Variants in FBXL17 observed in about 807,000 individuals in gnomAD.
FBXL17 encodes F-box and leucine rich repeat protein 17, also known as F-box/LRR-repeat protein 17.
In FBXL17, 22 loss-of-function variants were observed where a neutral mutation model predicts 66.2. That is an observed-to-expected ratio of 0.33 (90% confidence interval 0.24 to 0.47). The LOEUF is 0.47. Among genes scored for constraint, FBXL17 ranks in the 20% least tolerant of loss-of-function variants. FBXL17 has a pLI of 1.00. For missense variants in FBXL17, 878 were observed against 948.2 expected (o/e 0.93, Z 0.97); for synonymous variants, 474 against 400.5 (o/e 1.18, Z -2.19).
rs765756998 is a variant in FBXL17, at chr5:108,348,457, A to G, written c.1448T>C (p.Ile483Thr). The change falls in exon 4 of 9, where the codon ATC (isoleucine) becomes ACC (threonine). Residue 483 changes from isoleucine (I) to threonine (T), a missense_variant. Around this residue, in one of 4 missense-constraint regions of FBXL17, gnomAD observed 236 missense variants for 389.1 expected, o/e 0.61. Coordinates refer to ENST00000542267, the MANE Select transcript of FBXL17 (RefSeq NM_001163315.3). ...QCYKISDEGM[I>T]VIAKGCLKLQ... is the part of the protein sequence containing the mutation. Reference sequence around the variant, plus strand: ...TTTCAGACAGCCCTTAGCTATGACGATCATGCCTTCATCTGAGATCTTGTA... The same window carrying G: ...TTTCAGACAGCCCTTAGCTATGACGGTCATGCCTTCATCTGAGATCTTGTA... 2.5e-6 allele frequency: 4 copies of G among 1,613,606 alleles called. No individual in the cohort carries two copies. In the African/African-American group the frequency reaches 5.3e-5, roughly 22 times the overall value.
chr5:108,250,206 C>T (rs1349248808), intron 4 of FBXL17, among the ~76,000 whole-genome samples: 2 of 152,024 alleles, frequency 1.3e-5, no homozygotes, highest in Admixed American at 6.6e-5. Flanking sequence ...ACACTAAAAA[C>T]GTAATTTTTC....
chr5:108,205,810 A>T (rs747657748), intron 5 of FBXL17, among the ~76,000 whole-genome samples: 6 of 152,066 alleles, frequency 3.9e-5, no homozygotes, highest in Non-Finnish European at 7.4e-5. Flanking sequence ...GCTCACTGCA[A>T]CTTCTGCCTC....
chr5:108,083,262 TAGAC>T (rs1390671425), intron 6 of FBXL17, among the ~76,000 whole-genome samples: 33 of 112,374 alleles, frequency 2.9e-4, no homozygotes, highest in Admixed American at 2.5e-3. Flanking sequence ...GAGAGAGAGA[TAGAC>T]AGATATATTA....
chr5:108,114,553 A>G (rs114734037), intron 6 of FBXL17, among the ~76,000 whole-genome samples: 1,674 of 152,292 alleles, frequency 0.011, 40 homozygotes, highest in African/African-American at 0.037. Flanking sequence ...ATGGTGTAGG[A>G]TACTAAGTGA....
intron 6 of FBXL17, among the ~76,000 whole-genome samples, chr5:108,046,078 G>T (rs1453902429): frequency 6.6e-6 from 1 of 152,142 alleles, no homozygotes; most frequent in Non-Finnish European, 1.5e-5. Context: ...TACAACTGTA[G>T]ATTTATCTTT....
intron 4 of FBXL17, among the ~76,000 whole-genome samples, chr5:108,230,727 T>TA (rs111266057): frequency 0.011 from 952 of 83,654 alleles, 8 homozygotes; most frequent in Non-Finnish European, 0.014. Flanking sequence ...GGAAATAAAT[T>TA]TAAAAAAAAA....
chr5:108,158,494 CGTGTGTGTGTGTGTCTGTGTGT>C (rs982860472), intron 6 of FBXL17, among the ~76,000 whole-genome samples: 11 of 118,590 alleles, frequency 9.3e-5, no homozygotes, highest in Non-Finnish European at 1.2e-4. Flanking sequence ...GACAGTGGGG[CGTGTGTGTGTGTGTCTGTGTGT>C]GTGTGTGTGT....
intron 6 of FBXL17, among the ~76,000 whole-genome samples, chr5:108,101,802 C>T (rs898318878): frequency 9.2e-5 from 14 of 152,116 alleles, no homozygotes; most frequent in African/African-American, 3.4e-4. Flanking sequence ...TTTTAACTAA[C>T]AAAAATGTTT....
chr5:108,369,782 C>G (rs1748908826), intron 1 of FBXL17, among the ~76,000 whole-genome samples: 1 of 151,680 alleles, frequency 6.6e-6, no homozygotes, highest in Non-Finnish European at 1.5e-5. Context: ...CAGAATTGAA[C>G]CAATTCTAAG....
intron 7 of FBXL17, among the ~76,000 whole-genome samples, chr5:107,955,550 G>A (rs936746529): frequency 6.6e-6 from 1 of 152,164 alleles, no homozygotes; most frequent in African/African-American, 2.4e-5. Context: ...TATTGATAAG[G>A]TCGCAATCGA....
intron 5 of FBXL17, among the ~76,000 whole-genome samples, chr5:108,195,613 T>C (rs1368326079): frequency 1.3e-5 from 2 of 152,170 alleles, no homozygotes; most frequent in Non-Finnish European, 2.9e-5. Flanking sequence ...TGTTCTAATT[T>C]AGTTTTGAAA....
At chr5:107,960,926 G>C (rs1751877171) in intron 7 of FBXL17, among the ~76,000 whole-genome samples, 1 of 152,172 alleles carries the variant, frequency 6.6e-6, no homozygotes, top group African/African-American at 2.4e-5. Context: ...ATTTTCAGTA[G>C]AGTGTGACTC....
intron 7 of FBXL17, among the ~76,000 whole-genome samples, chr5:107,990,020 A>G (rs1753176803): frequency 6.6e-6 from 1 of 152,166 alleles, no homozygotes; most frequent in Admixed American, 6.5e-5. Context: ...AGGAGTGCAG[A>G]TCTGAAACTG....
rs547206257 is a variant in FBXL17 at position 108,149,488 on chromosome 5, T to C, written c.1745+36629A>G. 5.9e-5 allele frequency among the ~76,000 whole-genome samples: 9 copies of C among 152,328 alleles called. No homozygotes were observed. In the East Asian group the frequency reaches 1.4e-3, roughly 23 times the overall value. ...ACATTTAAGCTTCCTCAGTCTCACT[T>C]TGAAGTGTGTTACACATGTGTTAAG... On this transcript the variant is annotated intron_variant, in intron 6 of 8. Transcript: ENST00000542267.
chr5:107,934,749 G>A (rs1750844266), intron 7 of FBXL17, among the ~76,000 whole-genome samples: 1 of 152,152 alleles, frequency 6.6e-6, no homozygotes, highest in Admixed American at 6.6e-5. Context: ...GGCCATTTCA[G>A]GAGGTCACAA....
At chr5:108,228,952 G>C (rs1755211337) in intron 4 of FBXL17, among the ~76,000 whole-genome samples, 1 of 152,188 alleles carries the variant, frequency 6.6e-6, no homozygotes, top group African/African-American at 2.4e-5. Context: ...CAGCTCTGCA[G>C]CAATTTTATT....
chr5:108,199,824 T>C (rs1753817889), intron 5 of FBXL17, among the ~76,000 whole-genome samples: 1 of 152,134 alleles, frequency 6.6e-6, no homozygotes, highest in African/African-American at 2.4e-5. Context: ...GAAACTACTA[T>C]AAATATGAAA....
At chr5:108,341,323 G>A (rs976126846) in intron 4 of FBXL17, among the ~76,000 whole-genome samples, 1 of 151,976 alleles carries the variant, frequency 6.6e-6, no homozygotes, top group Non-Finnish European at 1.5e-5. Context: ...CACATCATGG[G>A]TATCCACATA....
intron 7 of FBXL17, among the ~76,000 whole-genome samples, chr5:107,909,186 C>G (rs1413237624): frequency 1.3e-5 from 2 of 152,116 alleles, no homozygotes; most frequent in Non-Finnish European, 2.9e-5. Context: ...TATTTCCAGT[C>G]AGACCGTTTT....
Sources: gnomAD v4.1 joint callset for allele counts (sites outside exome capture counted in the v4.1 genomes callset) on GRCh38, gnomAD v4.1.1 for gene constraint, gnomAD v4.1.1 regional missense constraint, MANE v1.5 for transcripts, NCBI Gene and HGNC (gene_info 2026-07-23, HGNC 2026-07-21) for gene names.